Variants in ATP9B observed in about 807,000 individuals in gnomAD.
ATP9B encodes probable phospholipid-transporting ATPase IIB.
A neutral mutation model predicts 146.1 loss-of-function variants in ATP9B; 110 were observed. That is an observed-to-expected ratio of 0.75 (90% CI 0.65 to 0.88). The LOEUF (loss-of-function observed/expected upper bound fraction) is 0.88, where lower values mean the gene tolerates loss of function less well. Among genes scored for constraint, ATP9B ranks in the 40% least tolerant of loss-of-function variants. ATP9B has a pLI of 0.00. For missense variants in ATP9B, 1,499 were observed against 1,496.4 expected (o/e 1.00, Z -0.03); for synonymous variants, 604 against 569.7 (o/e 1.06, Z -0.86).
chr18:79,200,931 C>T (rs534597997), intron 9 of ATP9B, among the ~76,000 whole-genome samples: 2 of 152,256 alleles, frequency 1.3e-5, no homozygotes, highest in African/African-American at 2.4e-5. Flanking sequence ...TGCTTTAGGA[C>T]GGTCGGTTGG....
intron 8 of ATP9B, among the ~76,000 whole-genome samples, chr18:79,190,188 GTTTTA>G (rs1220734759): frequency 6.6e-6 from 1 of 152,016 alleles, no homozygotes; most frequent in Non-Finnish European, 1.5e-5. Context: ...GTGTGTTTAG[GTTTTA>G]TTTTAACTTT....
At position 79,378,041 on chromosome 18, in the gene ATP9B, G is replaced by A. The variant is rs2097110788; in HGVS notation, c.*658G>A. On this transcript the variant is annotated 3_prime_UTR_variant, in exon 30 of 30. Transcript: ENST00000426216. ...ACTCTGGCATTCTGAGAATTAGACT[G>A]AAAGTTTAATTTCTGCAGTTCCCTC... The A allele has an allele frequency of 6.6e-6, 1 of 152,312 alleles. No individual in the cohort carries two copies. The highest frequency in any genetic ancestry group is 2.4e-5 in the African/African-American group (1 of 41,452). 9.4% of individuals were successfully genotyped at this position (152,312 alleles called of 1,614,324 possible). A position where few individuals can be genotyped will look rare whatever the true frequency, so the allele number is the denominator to read the frequency against.
At chr18:79,318,354 C>T (rs545844838) in intron 15 of ATP9B, among the ~76,000 whole-genome samples, 2 of 152,368 alleles carry the variant, frequency 1.3e-5, no homozygotes, top group South Asian at 4.1e-4. Flanking sequence ...ATGTGGTCAA[C>T]AGCACCTCAC....
chr18:79,127,787 C>G (rs2094311920), intron 5 of ATP9B, among the ~76,000 whole-genome samples: 1 of 152,108 alleles, frequency 6.6e-6, no homozygotes, highest in African/African-American at 2.4e-5. Flanking sequence ...AATTGCCAAC[C>G]TGCTTTCCTA....
intron 15 of ATP9B, among the ~76,000 whole-genome samples, chr18:79,326,003 T>C (rs1394780147): frequency 1.6e-5 from 2 of 127,900 alleles, no homozygotes; most frequent in African/African-American, 3.4e-5. Flanking sequence ...GTCATCTCTG[T>C]ACCCTCCCTC....
chr18:79,070,062 G>T (rs571780688), intron 1 of ATP9B, among the ~76,000 whole-genome samples: 1 of 152,194 alleles, frequency 6.6e-6, no homozygotes, highest in South Asian at 2.1e-4. Flanking sequence ...TTGCTTTTAC[G>T]AAAGGGAAAT....
intron 13 of ATP9B, among the ~76,000 whole-genome samples, chr18:79,283,793 C>T (rs537535252): frequency 6.6e-5 from 10 of 152,308 alleles, no homozygotes; most frequent in African/African-American, 2.4e-4. Context: ...AACAGGAGGA[C>T]AGCCAATTTG....
chr18:79,355,796 G>C (rs2096948878), intron 25 of ATP9B, among the ~76,000 whole-genome samples: 1 of 152,176 alleles, frequency 6.6e-6, no homozygotes, highest in Non-Finnish European at 1.5e-5. Flanking sequence ...CCCTGAACAG[G>C]ACAGTCAAAT....
chr18:79,111,093 T>C (rs1054896659), intron 3 of ATP9B, among the ~76,000 whole-genome samples: 1 of 152,326 alleles, frequency 6.6e-6, no homozygotes, highest in Middle Eastern at 3.4e-3. Context: ...TTAAATATTT[T>C]ATTACTTTTG....
rs1480780470 is a variant in ATP9B at position 79,374,617 on chromosome 18, C to T, written c.3274+516C>T. Among the ~76,000 whole-genome samples, 3 of 152,278 alleles carry T rather than the reference C, an allele frequency of 2.0e-5. 1 individual carries two copies. The South Asian group carries it at 6.2e-4, about 32-fold the overall frequency. ...ACTCGGGAGCAGTTGGGACTCAGAC[C>T]TGCGGGAGGTGAACACAGCCGCGTG... On this transcript the variant is annotated intron_variant, in intron 28 of 29. Coordinates refer to ENST00000426216, the MANE Select transcript of ATP9B (RefSeq NM_198531.5).
chr18:79,290,611 G>A (rs1206672810), intron 13 of ATP9B, among the ~76,000 whole-genome samples: 1 of 152,162 alleles, frequency 6.6e-6, no homozygotes, highest in African/African-American at 2.4e-5. Context: ...CGCAACATGC[G>A]CTGCACCCAC....
At chr18:79,280,922 A>G (rs1179298190) in intron 13 of ATP9B, among the ~76,000 whole-genome samples, 1 of 152,234 alleles carries the variant, frequency 6.6e-6, no homozygotes. Context: ...CTAGAACTAA[A>G]TAATAATATA....
chr18:79,216,259 C>T (rs2095626224), intron 11 of ATP9B, among the ~76,000 whole-genome samples: 1 of 152,092 alleles, frequency 6.6e-6, no homozygotes, highest in African/African-American at 2.4e-5. Context: ...GCTCTTTACT[C>T]AGGGTCTTGG....
intron 8 of ATP9B, among the ~76,000 whole-genome samples, chr18:79,183,139 A>G (rs561189601): frequency 1.3e-5 from 2 of 152,310 alleles, no homozygotes; most frequent in South Asian, 4.1e-4. Flanking sequence ...ACAATATGCT[A>G]TGGGTCATCC....
chr18:79,255,641 C>T (rs1262692607), intron 12 of ATP9B, among the ~76,000 whole-genome samples: 1 of 152,246 alleles, frequency 6.6e-6, no homozygotes, highest in South Asian at 2.1e-4. Context: ...GATGGAGGAG[C>T]TGCTTCTGCT....
chr18:79,172,601 G>T (rs2095094641), intron 7 of ATP9B, among the ~76,000 whole-genome samples: 1 of 151,338 alleles, frequency 6.6e-6, no homozygotes. Flanking sequence ...ATCCGCCTTG[G>T]CCTCCCAAGG....
In ATP9B at chr18:79,115,453, G is replaced by A. The variant is rs1461823053; in HGVS notation, c.558+2099G>A. 2 of 139,210 alleles carry A rather than the reference G, an allele frequency of 1.4e-5. 1 individual carries two copies. The highest frequency in any genetic ancestry group is 6.0e-5 in the African/African-American group (2 of 33,304). 8.6% of individuals were successfully genotyped at this position (139,210 alleles called of 1,614,324 possible). ...TTCATATGGAACCAAAAAAGAGTCT[G>A]CATCGCCAAATCAATCCTAAGCCAA... On this transcript the variant is annotated intron_variant, in intron 4 of 29. Transcript: ENST00000426216.
chr18:79,174,306 G>A, intron 7 of ATP9B: 1 of 199,434 alleles, frequency 5.0e-6, no homozygotes, highest in Non-Finnish European at 1.1e-5. Flanking sequence ...GGCCAGTCTT[G>A]CTTCATCCGT....
rs989042124 is a variant in ATP9B, at chr18:79,128,973, C to T, written c.667+2598C>T. Among the ~76,000 whole-genome samples, 8 of 152,210 alleles carry T rather than the reference C, an allele frequency of 5.3e-5. No individual in the cohort carries two copies. In the South Asian group the frequency reaches 1.7e-3, roughly 32 times the overall value. On this transcript the variant is annotated intron_variant, in intron 5 of 29. Coordinates refer to ENST00000426216, the MANE Select transcript of ATP9B (RefSeq NM_198531.5). ...CCCAACACTGTAACAGGGCACTAAT[C>T]TTGAAGATAATGGCCCATGTTCCCA... is the stretch of plus-strand genomic sequence containing the variant.
Sources: gnomAD v4.1 joint callset for allele counts (sites outside exome capture counted in the v4.1 genomes callset) on GRCh38, gnomAD v4.1.1 for gene constraint, MANE v1.5 for transcripts, NCBI Gene and HGNC (gene_info 2026-07-23, HGNC 2026-07-21) for gene names.